FSTL4: variants seen among roughly 807,000 people sequenced by gnomAD.
The protein encoded by FSTL4 is follistatin like 4.
Under a neutral mutation model 78.2 loss-of-function variants are expected in FSTL4, and 28 were observed. That is an observed-to-expected ratio of 0.36 (90% CI 0.27 to 0.49). The LOEUF (loss-of-function observed/expected upper bound fraction) is 0.49. FSTL4 is among the 20% of genes least tolerant of loss of function. The pLI, the probability that FSTL4 is intolerant of heterozygous loss-of-function variation, is 0.98. For missense variants in FSTL4, 922 were observed against 1,084.9 expected (o/e 0.85, Z 2.11); for synonymous variants, 422 against 440.5 (o/e 0.96, Z 0.53).
chr5:133,238,957 G>A (rs990195378), intron 7 of FSTL4, among the ~76,000 whole-genome samples: 1 of 152,220 alleles, frequency 6.6e-6, no homozygotes, highest in Non-Finnish European at 1.5e-5. Flanking sequence ...GCCAAGGCGG[G>A]AACTGGCTCC....
chr5:133,360,098 C>G, intron 4 of FSTL4, among the ~76,000 whole-genome samples: 1 of 152,250 alleles, frequency 6.6e-6, no homozygotes, highest in East Asian at 1.9e-4. Context: ...CCTCCCTTCC[C>G]TGCAGGGCTG....
intron 6 of FSTL4, among the ~76,000 whole-genome samples, chr5:133,252,441 G>T (rs1323416619): frequency 6.6e-6 from 1 of 152,166 alleles, no homozygotes; most frequent in Non-Finnish European, 1.5e-5. Flanking sequence ...CTCTGCCTCA[G>T]GCTGATGCAG....
the FSTL4 span, among the ~76,000 whole-genome samples, chr5:133,831,245 A>G: frequency 6.6e-6 from 1 of 152,258 alleles, no homozygotes; most frequent in East Asian, 1.9e-4. Flanking sequence ...CCCTGGTCCA[A>G]CCTCTCAAAC....
At chr5:133,707,200 G>A in the FSTL4 span, among the ~76,000 whole-genome samples, 1 of 152,254 alleles carries the variant, frequency 6.6e-6, no homozygotes, top group East Asian at 1.9e-4. Flanking sequence ...GGCAGGATTT[G>A]TTTATATGAT....
At chr5:133,256,803 G>C (rs1752391803) in intron 6 of FSTL4, among the ~76,000 whole-genome samples, 1 of 152,212 alleles carries the variant, frequency 6.6e-6, no homozygotes, top group African/African-American at 2.4e-5. Flanking sequence ...CGTGTAACCA[G>C]ATTCAATCTT....
Position 133,225,348 on chromosome 5 carries a change from G to T in FSTL4, c.1178-64C>A, listed in dbSNP as rs984796347. The T allele has an allele frequency of 5.0e-6, 8 of 1,600,094 alleles. No individual in the cohort carries two copies. Among genetic ancestry groups the T allele is most frequent in the Admixed American group, 3.3e-5 (2 of 59,956 alleles). On this transcript the variant is annotated intron_variant, in intron 9 of 15. Transcript: ENST00000265342. This position sits in a 1 kb window ranked among gnomAD's most constrained non-coding sequence, Gnocchi z 4.6. ...GGAGACCCACTCACTTTCCTTTATG[G>T]GGCCATTGAGAGTGTTAGGGCTGCC...
At chr5:133,632,875 G>A in the FSTL4 span, among the ~76,000 whole-genome samples, 1 of 152,020 alleles carries the variant, frequency 6.6e-6, no homozygotes, top group Non-Finnish European at 1.5e-5. Flanking sequence ...TTTTTGTAGA[G>A]ATGGGCTTTC....
chr5:133,676,509 A>G, the FSTL4 span, among the ~76,000 whole-genome samples: 1 of 152,166 alleles, frequency 6.6e-6, no homozygotes, highest in Non-Finnish European at 1.5e-5. Context: ...TTCTCCTTGC[A>G]TTTTTCTTTT....
intron 2 of FSTL4, among the ~76,000 whole-genome samples, chr5:133,580,883 G>A (rs1279190186): frequency 6.6e-6 from 1 of 152,132 alleles, no homozygotes; most frequent in East Asian, 1.9e-4. Context: ...CAGGCTCCAT[G>A]CTAAGCCCTC....
the FSTL4 span, among the ~76,000 whole-genome samples, chr5:133,631,285 C>T: frequency 6.7e-6 from 1 of 148,878 alleles, no homozygotes; most frequent in African/African-American, 2.5e-5. Context: ...CTACAAGGAA[C>T]TTAAACACAT....
At chr5:133,660,183 C>G in the FSTL4 span, among the ~76,000 whole-genome samples, 1 of 152,198 alleles carries the variant, frequency 6.6e-6, no homozygotes, top group African/African-American at 2.4e-5. Context: ...ACTAAGCAGT[C>G]ACTGTGTTCT....
the FSTL4 span, among the ~76,000 whole-genome samples, chr5:133,749,736 T>A: frequency 6.6e-6 from 1 of 152,178 alleles, no homozygotes; most frequent in Non-Finnish European, 1.5e-5. Flanking sequence ...TATCTGGCAG[T>A]CAAGCTCTTC....
chr5:133,433,463 A>G (rs1756979590), intron 3 of FSTL4, among the ~76,000 whole-genome samples: 2 of 152,168 alleles, frequency 1.3e-5, no homozygotes, highest in South Asian at 4.1e-4. Flanking sequence ...GGCATGATTT[A>G]CCTTTTTCAG....
chr5:133,557,161 G>C (rs1354815141), intron 3 of FSTL4, among the ~76,000 whole-genome samples: 1 of 152,188 alleles, frequency 6.6e-6, no homozygotes, highest in Non-Finnish European at 1.5e-5. Flanking sequence ...CCCTTTATTT[G>C]TCATCAGGGA....
At chr5:133,620,208 T>G in the FSTL4 span, among the ~76,000 whole-genome samples, 10 of 152,310 alleles carry the variant, frequency 6.6e-5, no homozygotes, top group African/African-American at 2.4e-4. Context: ...ATTTCATGCT[T>G]TAAAACACTG....
In FSTL4 at chr5:133,225,791, C is replaced by T; in HGVS notation, c.1044G>A (p.Glu348=). The change falls in exon 9 of 16, where the codon GAG becomes GAA. Residue 348 remains glutamate, a synonymous_variant. Transcript: ENST00000265342. The surrounding 1 kb of genome is among the most constrained non-coding windows in gnomAD (Gnocchi z 4.6). ...NVPPVIRVYP[E]SQAQEPGVAA... is the part of the protein sequence containing the mutation. Reference sequence around the variant, plus strand: ...CCACTCCAGGCTCCTGTGCCTGGCTCTCTGGATAGACACGGATGACTGGCG... The same window carrying T: ...CCACTCCAGGCTCCTGTGCCTGGCTTTCTGGATAGACACGGATGACTGGCG... The T allele has an allele frequency of 6.2e-7, 1 of 1,601,316 alleles. No individual in the cohort carries two copies. The highest frequency in any genetic ancestry group is 8.5e-7 in the Non-Finnish European group (1 of 1,174,138).
intron 3 of FSTL4, among the ~76,000 whole-genome samples, chr5:133,407,841 G>T (rs1277014191): frequency 1.3e-5 from 2 of 152,186 alleles, no homozygotes; most frequent in Non-Finnish European, 2.9e-5. Context: ...AAATGTGACT[G>T]TCACGATAAT....
intron 1 of FSTL4, among the ~76,000 whole-genome samples, chr5:133,605,607 C>A (rs1269456487): frequency 6.6e-6 from 1 of 152,202 alleles, no homozygotes; most frequent in Non-Finnish European, 1.5e-5. Flanking sequence ...TGCTTTATGT[C>A]TCCAGCTGGA....
chr5:133,592,266 T>C (rs991425897), intron 2 of FSTL4, among the ~76,000 whole-genome samples: 6 of 152,218 alleles, frequency 3.9e-5, no homozygotes, highest in African/African-American at 9.6e-5. Context: ...CCGCTCACCA[T>C]TGTGCTCACC....
Sources: allele counts gnomAD v4.1 joint callset (sites outside exome capture counted in the v4.1 genomes callset), GRCh38; gene constraint gnomAD v4.1.1; non-coding constraint Gnocchi (gnomAD v3.1); transcripts MANE v1.5; gene names NCBI Gene and HGNC (gene_info 2026-07-23, HGNC 2026-07-21).